Variants in FAF1 observed in about 807,000 individuals in gnomAD.
FAF1 encodes Fas associated factor 1, also known as FAS-associated factor 1.
In FAF1, 25 loss-of-function variants were observed where a neutral mutation model predicts 92.5. The observed-to-expected ratio is 0.27, with a 90% CI of 0.20 to 0.38. The LOEUF (loss-of-function observed/expected upper bound fraction) is 0.38, where lower values mean the gene tolerates loss of function less well. Ranked by LOEUF, FAF1 falls within the 10% of genes least tolerant of loss-of-function variation. FAF1 has a pLI of 1.00. For synonymous variants in FAF1, 234 were observed against 273.2 expected, an observed-to-expected ratio of 0.86 and a Z score of 1.42; for missense variants, 636 against 793.3, an observed-to-expected ratio of 0.80 and a Z score of 2.38.
intron 12 of FAF1, among the ~76,000 whole-genome samples, chr1:50,578,334 G>A (rs750484984): frequency 6.6e-6 from 1 of 152,122 alleles, no homozygotes; most frequent in Non-Finnish European, 1.5e-5. Context: ...CACAGTATCC[G>A]TCATATTTGC....
At chr1:50,453,803 C>G (rs571205776) in intron 18 of FAF1, among the ~76,000 whole-genome samples, 1 of 152,148 alleles carries the variant, frequency 6.6e-6, no homozygotes, top group Non-Finnish European at 1.5e-5. Context: ...TTTTACCTGG[C>G]CAGCCTTTTC....
chr1:50,861,886 C>T (rs1040373830), intron 1 of FAF1, among the ~76,000 whole-genome samples: 3 of 151,646 alleles, frequency 2.0e-5, no homozygotes, highest in Non-Finnish European at 4.4e-5. Context: ...GAAAGAGAGC[C>T]CTCACCAGAA....
intron 8 of FAF1, among the ~76,000 whole-genome samples, chr1:50,647,267 G>A (rs1338067024): frequency 6.6e-6 from 1 of 152,176 alleles, no homozygotes; most frequent in Non-Finnish European, 1.5e-5. Flanking sequence ...TTAAGTCTTG[G>A]CCAATCTCAG....
intron 14 of FAF1, among the ~76,000 whole-genome samples, chr1:50,536,652 C>A (rs1305960191): frequency 6.6e-6 from 1 of 152,138 alleles, no homozygotes; most frequent in Non-Finnish European, 1.5e-5. Context: ...AGGACAAATG[C>A]TATCTTGGCA....
intron 6 of FAF1, among the ~76,000 whole-genome samples, chr1:50,717,525 A>G (rs1658226591): frequency 6.6e-6 from 1 of 152,206 alleles, no homozygotes; most frequent in South Asian, 2.1e-4. Context: ...TGGCAGCCCA[A>G]GGGGACTAAT....
In FAF1 at chr1:50,808,379, C is replaced by G. The variant is rs1425034021; in HGVS notation, c.115-6702G>C. 3.9e-5 allele frequency among the ~76,000 whole-genome samples: 6 copies of G among 152,252 alleles called. No individual in the cohort carries two copies. In the East Asian group the frequency reaches 9.7e-4, roughly 25 times the overall value. On this transcript the variant is annotated intron_variant, in intron 2 of 18. Transcript: ENST00000396153. The stretch of plus-strand genomic sequence containing the variant: ...AAGATGCGTAACAACCAGGTAACAA[C>G]AAGATGACAGGATAAATCCTCACCT...
chr1:50,849,504 A>T (rs1466553029), intron 2 of FAF1, among the ~76,000 whole-genome samples: 1 of 152,152 alleles, frequency 6.6e-6, no homozygotes, highest in Non-Finnish European at 1.5e-5. Context: ...ATCAATTACT[A>T]AGAAAAAAAT....
intron 2 of FAF1, among the ~76,000 whole-genome samples, chr1:50,808,577 T>C (rs1194150337): frequency 2.0e-5 from 3 of 151,434 alleles, no homozygotes; most frequent in Admixed American, 2.0e-4. Flanking sequence ...GAGAAAAATC[T>C]ACCAAGCAAA....
intron 9 of FAF1, among the ~76,000 whole-genome samples, chr1:50,595,693 C>A (rs2124079815): frequency 1.3e-5 from 2 of 152,054 alleles, no homozygotes; most frequent in Middle Eastern, 6.8e-3. Context: ...TAGGTGTCTG[C>A]CACCACACCT....
intron 7 of FAF1, among the ~76,000 whole-genome samples, chr1:50,677,358 T>G (rs1045052943): frequency 6.6e-6 from 1 of 152,176 alleles, no homozygotes. Context: ...ATAAAATTCA[T>G]GTACCCTTCA....
chr1:50,954,445 G>A (rs1448957006), intron 1 of FAF1, among the ~76,000 whole-genome samples: 4 of 152,074 alleles, frequency 2.6e-5, no homozygotes, highest in East Asian at 1.9e-4. Flanking sequence ...GGAGGCTGAG[G>A]TAGAAGGATC....
intron 8 of FAF1, among the ~76,000 whole-genome samples, chr1:50,628,116 T>A (rs1653592877): frequency 6.6e-6 from 1 of 152,130 alleles, no homozygotes; most frequent in Non-Finnish European, 1.5e-5. Context: ...TGTTTCTGTG[T>A]GTGTGTATGC....
At chr1:50,919,645 G>A (rs200536858) in intron 1 of FAF1, among the ~76,000 whole-genome samples, 6 of 151,902 alleles carry the variant, frequency 3.9e-5, no homozygotes, top group Non-Finnish European at 5.9e-5. Flanking sequence ...CTGACACCAC[G>A]TCTGGCTAAT....
At chr1:50,477,014 A>G (rs563311678) in intron 17 of FAF1, among the ~76,000 whole-genome samples, 4 of 152,322 alleles carry the variant, frequency 2.6e-5, no homozygotes, top group South Asian at 2.1e-4. Context: ...ATGCCTTTCT[A>G]TTTTGACCTA....
chr1:50,458,676 C>G (rs1646386344), intron 18 of FAF1, among the ~76,000 whole-genome samples: 1 of 152,226 alleles, frequency 6.6e-6, no homozygotes, highest in South Asian at 2.1e-4. Context: ...TAAAATGCCA[C>G]TGGTTCCCTC....
chr1:50,533,563 C>T (rs910183405), intron 15 of FAF1, among the ~76,000 whole-genome samples: 2 of 152,102 alleles, frequency 1.3e-5, no homozygotes, highest in African/African-American at 4.8e-5. Flanking sequence ...TAATGTAATA[C>T]AGCGATAAAT....
chr1:50,930,265 C>A (rs1570153404), intron 1 of FAF1, among the ~76,000 whole-genome samples: 1 of 152,118 alleles, frequency 6.6e-6, no homozygotes, highest in East Asian at 1.9e-4. Flanking sequence ...TCCAAAAGGG[C>A]ATAATGAGCT....
chr1:50,605,719 T>A (rs1253979440), intron 8 of FAF1, among the ~76,000 whole-genome samples: 1 of 152,186 alleles, frequency 6.6e-6, no homozygotes, highest in African/African-American at 2.4e-5. Flanking sequence ...TTAAACACAT[T>A]GCCTATAACC....
intron 8 of FAF1, among the ~76,000 whole-genome samples, chr1:50,596,635 T>C (rs918291989): frequency 2.0e-5 from 3 of 152,184 alleles, no homozygotes; most frequent in African/African-American, 7.2e-5. Flanking sequence ...AAGATACATA[T>C]ATCAGAAATA....
Sources: allele counts gnomAD v4.1 joint callset (sites outside exome capture counted in the v4.1 genomes callset), GRCh38; gene constraint gnomAD v4.1.1; transcripts MANE v1.5; gene names NCBI Gene and HGNC (gene_info 2026-07-23, HGNC 2026-07-21).